Variants in KIF9 observed in about 807,000 individuals in gnomAD.
KIF9 encodes kinesin-like protein KIF9.
In KIF9, 68 loss-of-function variants were observed where a neutral mutation model predicts 94.8. The ratio of observed to expected loss-of-function variants is 0.72; its 90% CI spans 0.59 to 0.88. The LOEUF is 0.88. Among genes scored for constraint, KIF9 ranks in the 40% least tolerant of loss-of-function variants. KIF9 has a pLI of 0.00. For missense variants in KIF9, 882 were observed against 982.5 expected (o/e 0.90, Z 1.37); for synonymous variants, 343 against 362.1 (o/e 0.95, Z 0.60).
In KIF9 at chr3:47,228,421, T is replaced by C. The variant is rs1469949617; in HGVS notation, c.*231A>G. On this transcript the variant is annotated 3_prime_UTR_variant, in exon 21 of 21. Coordinates refer to ENST00000684063, the MANE Select transcript of KIF9 (RefSeq NM_182902.4). ...GAAAGTCCAAACTAGAAAGTTATTT[T>C]ATCCTGTCCCTGCATATAAGACAGT... The C allele has an allele frequency of 7.4e-6, 4 of 540,242 alleles. No individual in the cohort carries two copies. The highest frequency in any genetic ancestry group is 1.0e-5 in the Non-Finnish European group (3 of 300,172). The allele number at this position is 540,242 out of a possible 1,614,324, so 33.5% of individuals were successfully genotyped here.
chr3:47,275,378 AC>A lies in KIF9; in HGVS notation c.205del (p.Val69PhefsTer35), dbSNP rs751941340. ...GVLHDASQDL[V>X]YETVAKDVVS... ...CACATCCTTTGCAACTGTCTCATAA[AC>A]CAAGTCCTGGGAGGCATCGTGAAGA... On this transcript the variant is annotated frameshift_variant, in exon 3 of 21. Coordinates refer to ENST00000684063, the MANE Select transcript of KIF9 (RefSeq NM_182902.4). LOFTEE classifies it high-confidence loss of function. 4.3e-6 allele frequency: 7 copies of A among 1,614,040 alleles called. No homozygotes were observed. The highest frequency in any genetic ancestry group is 5.9e-6 in the Non-Finnish European group (7 of 1,179,936).
At chr3:47,239,929 G>C (rs767624631) in intron 17 of KIF9, 1 of 1,367,640 alleles carries the variant, frequency 7.3e-7, no homozygotes, top group Non-Finnish European at 9.8e-7. Flanking sequence ...GAAGAAGACA[G>C]TAAGACTGAG....
intron 9 of KIF9, among the ~76,000 whole-genome samples, chr3:47,258,866 G>C (rs149930083): frequency 8.5e-4 from 129 of 152,154 alleles, no homozygotes; most frequent in African/African-American, 2.8e-3. Flanking sequence ...CTTCTTTTTT[G>C]GTGCTGGGTC....
At chr3:47,281,321 C>A in intron 1 of KIF9, 1 of 368,444 alleles carries the variant, frequency 2.7e-6, no homozygotes, top group Non-Finnish European at 4.9e-6. Flanking sequence ...CACCTCACCA[C>A]ACGCTTTTTT....
intron 10 of KIF9, among the ~76,000 whole-genome samples, chr3:47,248,743 C>A (rs1161226622): frequency 6.6e-6 from 1 of 152,056 alleles, no homozygotes; most frequent in Admixed American, 6.6e-5. Context: ...ATACCCAGCA[C>A]CAGAATGCTT....
At chr3:47,277,415 A>G (rs760621070) in intron 1 of KIF9, 36 bp from the exon 2 acceptor site, 2 of 1,387,562 alleles carry the variant, frequency 1.4e-6, no homozygotes, top group South Asian at 2.3e-5. Flanking sequence ...TTGAGTAGTC[A>G]TTATCAAATA....
At position 47,282,743 on chromosome 3, in the gene KIF9, A is replaced by G. The variant is rs1008944105; in HGVS notation, c.-254T>C. 2.1e-6 allele frequency: 3 copies of G among 1,421,988 alleles called. No homozygotes were observed. Among genetic ancestry groups the G allele is most frequent in the Non-Finnish European group, 2.7e-6 (3 of 1,091,546 alleles). The allele number at this position is 1,421,988 out of a possible 1,614,324, so 88.1% of individuals were successfully genotyped here. ...TCTAGAAAGACTTCGGCGGATGCAC[A>G]TGCGAAGTCAAGGTCGAGATAGCGA... On this transcript the variant is annotated 5_prime_UTR_variant, in exon 1 of 21. It removes an upstream start codon present in the reference 5' UTR. Transcript: ENST00000684063.
rs1699858247 is a variant in KIF9 at position 47,245,419 on chromosome 3, A to AC, written c.1380+1dup. 6.2e-7 allele frequency: 1 copy of AC among 1,611,948 alleles called. No homozygotes were observed. The highest frequency in any genetic ancestry group is 8.5e-7 in the Non-Finnish European group (1 of 1,178,152). ...CTGTCGGCAAGTAGCAACTATGCTT[A>AC]CCTTCTGGATAGCAGAAATGGCTGC... On this transcript the variant is annotated splice_donor_variant, in intron 14 of 20. Transcript: ENST00000684063. LOFTEE classifies it high-confidence loss of function.
At chr3:47,232,422 C>G (rs1698664326) in intron 20 of KIF9, among the ~76,000 whole-genome samples, 1 of 151,902 alleles carries the variant, frequency 6.6e-6, no homozygotes. Context: ...GTAGCTGGAA[C>G]TACAGGCATG....
intron 2 of KIF9, 39 bp from the exon 3 acceptor site, chr3:47,275,529 T>C: frequency 6.6e-7 from 1 of 1,520,088 alleles, no homozygotes; most frequent in East Asian, 2.2e-5. Context: ...ATGTTATTTG[T>C]TCAAAAATGG....
intron 5 of KIF9, among the ~76,000 whole-genome samples, chr3:47,270,090 G>A (rs1487168378): frequency 2.0e-5 from 3 of 151,996 alleles, no homozygotes; most frequent in African/African-American, 7.2e-5. Context: ...TGTTAGTGGA[G>A]ATGAGGTTTC....
intron 20 of KIF9, among the ~76,000 whole-genome samples, chr3:47,233,739 G>A (rs1698792336): frequency 6.6e-6 from 1 of 151,860 alleles, no homozygotes; most frequent in African/African-American, 2.4e-5. Flanking sequence ...AGCACCAATA[G>A]GTTGACACAG....
rs564219184 is a variant in KIF9 at position 47,256,618 on chromosome 3, G to C, written c.1059+865C>G. 6.6e-5 allele frequency among the ~76,000 whole-genome samples: 10 copies of C among 152,290 alleles called. No homozygotes were observed. In the East Asian group the frequency reaches 1.7e-3, roughly 26 times the overall value. The stretch of plus-strand genomic sequence containing the variant: ...TGGGAAGTGAGGAGCCCCTCTGCCC[G>C]GCCACCACCCCGTCTGGGAGGTGTG... On this transcript the variant is annotated intron_variant, in intron 10 of 20. Coordinates refer to ENST00000684063, the MANE Select transcript of KIF9 (RefSeq NM_182902.4).
At position 47,266,010 on chromosome 3, in the gene KIF9, T is replaced by A. The variant is rs555508755; in HGVS notation, c.769-133A>T. 1.2e-5 allele frequency: 10 copies of A among 847,864 alleles called. No individual in the cohort carries two copies. In the African/African-American group the frequency reaches 1.5e-4, roughly 13 times the overall value. The allele number at this position is 847,864 out of a possible 1,614,324, so 52.5% of individuals were successfully genotyped here. ...GCGCCTCCTTCCCAGAACCAGGGTC[T>A]TCTTTCAATGTCATGCGATTGTATT... is the stretch of plus-strand genomic sequence containing the variant. On this transcript the variant is annotated intron_variant, in intron 7 of 20. Transcript: ENST00000684063.
At chr3:47,277,961 A>G (rs746668482) in intron 1 of KIF9, among the ~76,000 whole-genome samples, 30 of 152,060 alleles carry the variant, frequency 2.0e-4, no homozygotes, top group Admixed American at 1.0e-3. Flanking sequence ...TTGCTCTCCT[A>G]AAACCTAACT....
chr3:47,246,835 G>A lies in KIF9; in HGVS notation c.1233+538C>T, dbSNP rs1267000100. 2.0e-5 allele frequency among the ~76,000 whole-genome samples: 3 copies of A among 152,148 alleles called. No individual in the cohort carries two copies. The East Asian group carries it at 5.8e-4, about 29-fold the overall frequency. On this transcript the variant is annotated intron_variant, in intron 12 of 20. Coordinates refer to ENST00000684063, the MANE Select transcript of KIF9 (RefSeq NM_182902.4). ...GGAGCTGCCCACAGTAACAGCCAGG[G>A]GGGTCTGCCCATGTCTCCAAGAAGA...
At chr3:47,278,209 C>A (rs1320541837) in intron 1 of KIF9, among the ~76,000 whole-genome samples, 1 of 151,850 alleles carries the variant, frequency 6.6e-6, no homozygotes, top group Non-Finnish European at 1.5e-5. Flanking sequence ...GTAGCTGGGA[C>A]TACAGGTGCG....
In KIF9 at chr3:47,235,927, G is replaced by C; in HGVS notation, c.2217+107C>G. ...GCCTGGGCTGGCTGTGGAGAGGCTGGGAGCACCACACACACTGCCATCTTT... is the reference window on the plus strand; with the variant it reads ...GCCTGGGCTGGCTGTGGAGAGGCTGCGAGCACCACACACACTGCCATCTTT... On this transcript the variant is annotated intron_variant, in intron 19 of 20. Transcript: ENST00000684063. 3.6e-6 allele frequency: 3 copies of C among 844,470 alleles called. No homozygotes were observed. In the South Asian group the frequency reaches 4.6e-5, roughly 13 times the overall value. 52.3% of individuals were successfully genotyped at this position (844,470 alleles called of 1,614,324 possible).
Position 47,240,666 on chromosome 3 carries a change from A to G in KIF9, c.1924+135T>C, listed in dbSNP as rs1575950300. The G allele has an allele frequency of 9.8e-6, 7 of 714,148 alleles. No individual in the cohort carries two copies. In the East Asian group the frequency reaches 1.6e-4, roughly 16 times the overall value. The allele number at this position is 714,148 out of a possible 1,614,324, so 44.2% of individuals were successfully genotyped here. A position where few individuals can be genotyped will look rare whatever the true frequency, so the allele number is the denominator to read the frequency against. On this transcript the variant is annotated intron_variant, in intron 17 of 20. Transcript: ENST00000684063. ...TGACCAGAGCTAAGTGATCTGACCTATGGGTGAAGGCCACATCCCAGCACC... is the reference window on the plus strand; with the variant it reads ...TGACCAGAGCTAAGTGATCTGACCTGTGGGTGAAGGCCACATCCCAGCACC...
Sources: allele counts gnomAD v4.1 joint callset (sites outside exome capture counted in the v4.1 genomes callset), GRCh38; gene constraint gnomAD v4.1.1; transcripts MANE v1.5; gene names NCBI Gene and HGNC (gene_info 2026-07-23, HGNC 2026-07-21).